GRIP1: variants seen among roughly 807,000 people sequenced by gnomAD.
The protein encoded by GRIP1 is glutamate receptor interacting protein 1, also known as glutamate receptor-interacting protein 1.
Under a neutral mutation model 129.9 loss-of-function variants are expected in GRIP1, and 45 were observed. The ratio of observed to expected loss-of-function variants is 0.35; its 90% confidence interval spans 0.27 to 0.44. The LOEUF is 0.44. GRIP1 is among the 20% of genes least tolerant of loss of function. GRIP1 has a pLI of 1.00. For missense variants in GRIP1, 1,196 were observed against 1,396.8 expected (o/e 0.86, Z 2.29); for synonymous variants, 530 against 520.8 (o/e 1.02, Z -0.24).
intron 1 of GRIP1, among the ~76,000 whole-genome samples, chr12:66,949,825 T>A (rs551181398): frequency 2.1e-5 from 3 of 143,064 alleles, no homozygotes; most frequent in Non-Finnish European, 4.5e-5. Context: ...TGGAGTGCAG[T>A]GGCGTGATCT....
At chr12:66,786,033 T>G (rs940608252) in intron 1 of GRIP1, among the ~76,000 whole-genome samples, 2 of 152,142 alleles carry the variant, frequency 1.3e-5, no homozygotes, top group African/African-American at 4.8e-5. Flanking sequence ...CAGTGAGATA[T>G]GACTGCACCA....
At position 66,843,023 on chromosome 12, in the gene GRIP1, C is replaced by T. The variant is rs545898363; in HGVS notation, c.58+226027G>A. Among the ~76,000 whole-genome samples the T allele has an allele frequency of 9.2e-5, 14 of 152,066 alleles. No homozygotes were observed. In the South Asian group the frequency reaches 2.9e-3, roughly 32 times the overall value. ...AGATTAATTCATCTGTTTAAAAGAG[C>T]TTTAAACTAAAATTGTCAAGAAAAC... is the stretch of plus-strand genomic sequence containing the variant. On this transcript the variant is annotated intron_variant, in intron 1 of 1. Coordinates refer to the GRIP1 transcript ENST00000643019.
At chr12:66,431,004 T>C (rs2058131403) in intron 14 of GRIP1, among the ~76,000 whole-genome samples, 1 of 152,250 alleles carries the variant, frequency 6.6e-6, no homozygotes, top group South Asian at 2.1e-4. Context: ...GGTTATATAG[T>C]GCACAACTCC....
Position 66,771,167 on chromosome 12 carries a change from C to T in GRIP1, c.-420+32886G>A, listed in dbSNP as rs866104723. 2.6e-5 allele frequency among the ~76,000 whole-genome samples: 4 copies of T among 152,118 alleles called. No homozygotes were observed. The Middle Eastern group carries it at 0.01, about 388-fold the overall frequency. On this transcript the variant is annotated intron_variant, in intron 1 of 4. Coordinates refer to the GRIP1 transcript ENST00000538373. ...TGTAGTTTATCATTCAGAGACATGC[C>T]GAAGACTCAGAATCAGACTCACACT...
chr12:67,020,795 A>G (rs1363659616), intron 1 of GRIP1, among the ~76,000 whole-genome samples: 2 of 152,190 alleles, frequency 1.3e-5, no homozygotes, highest in Admixed American at 6.6e-5. Context: ...AATAAACTCC[A>G]CATATTTAAA....
chr12:66,371,675 GAA>G lies in GRIP1; in HGVS notation c.3012+17_3012+18del. 1 of 1,537,260 alleles carries G rather than the reference GAA, an allele frequency of 6.5e-7. No individual in the cohort carries two copies. Among genetic ancestry groups the G allele is most frequent in the Non-Finnish European group, 9.0e-7 (1 of 1,109,788 alleles). On this transcript the variant is annotated intron_variant, in intron 23 of 24. Coordinates refer to ENST00000359742, the MANE Select transcript of GRIP1 (RefSeq NM_001366722.1). ...GCTGCCAAATTTGACCCTAGGGAAA[GAA>G]GAGAAAGCTTACTGACCTTGTGCAG...
At chr12:67,000,884 G>A (rs1033676022) in intron 1 of GRIP1, among the ~76,000 whole-genome samples, 1 of 152,162 alleles carries the variant, frequency 6.6e-6, no homozygotes, top group Non-Finnish European at 1.5e-5. Context: ...AATGAAAACT[G>A]TTTCAGGATA....
At chr12:66,635,360 G>T (rs1198907889) in intron 1 of GRIP1, among the ~76,000 whole-genome samples, 1 of 151,596 alleles carries the variant, frequency 6.6e-6, no homozygotes, top group Admixed American at 6.6e-5. Flanking sequence ...GGAGTTCAAG[G>T]TTACAGCAAA....
chr12:66,600,249 T>C (rs1427272830), intron 1 of GRIP1, among the ~76,000 whole-genome samples: 1 of 152,234 alleles, frequency 6.6e-6, no homozygotes, highest in Non-Finnish European at 1.5e-5. Context: ...ATCCCCAGGA[T>C]GAGCCTTAAA....
intron 1 of GRIP1, among the ~76,000 whole-genome samples, chr12:66,857,921 C>A (rs1487174892): frequency 6.6e-6 from 1 of 151,938 alleles, no homozygotes; most frequent in Non-Finnish European, 1.5e-5. Flanking sequence ...CAGGTAAAGC[C>A]ATATTAATGT....
chr12:66,469,017 T>A (rs1406012729), intron 7 of GRIP1, among the ~76,000 whole-genome samples: 2 of 152,210 alleles, frequency 1.3e-5, no homozygotes, highest in Non-Finnish European at 2.9e-5. Context: ...AATTAATGAA[T>A]CTTTTTTAAA....
chr12:66,996,160 T>C (rs73133683), intron 1 of GRIP1, among the ~76,000 whole-genome samples: 4,587 of 151,666 alleles, frequency 0.03, 108 homozygotes, highest in Middle Eastern at 0.058. Flanking sequence ...GAGGGGAAAA[T>C]AAGGAGTGAC....
intron 1 of GRIP1, among the ~76,000 whole-genome samples, chr12:66,977,200 CTTT>C (rs554293693): frequency 7.2e-6 from 1 of 139,666 alleles, no homozygotes. Flanking sequence ...TTAGGTCAAA[CTTT>C]TTTTTTTTTT....
intron 1 of GRIP1, among the ~76,000 whole-genome samples, chr12:67,040,951 C>T (rs549029896): frequency 6.6e-6 from 1 of 152,002 alleles, no homozygotes; most frequent in Non-Finnish European, 1.5e-5. Flanking sequence ...TGTGGGTGGG[C>T]CTCACCCAAT....
intron 1 of GRIP1, among the ~76,000 whole-genome samples, chr12:67,009,328 C>T (rs1288756352): frequency 2.0e-5 from 3 of 152,130 alleles, no homozygotes; most frequent in Non-Finnish European, 4.4e-5. Context: ...TTGCTAACAA[C>T]ATGGAGGAAG....
rs376442807 is a variant in GRIP1, at chr12:66,882,841, C to CGCAGACAAG, written c.58+186200_58+186208dup. On this transcript the variant is annotated intron_variant, in intron 1 of 1. Transcript: ENST00000643019. ...GCCAGAAGGATTATTATCTCCTCCT[C>CGCAGACAAG]GCAGACAAGGCAGACAAGGCAGCCA... is the stretch of plus-strand genomic sequence containing the variant. Among the ~76,000 whole-genome samples, 1,277 of 152,228 alleles carry CGCAGACAAG rather than the reference C, an allele frequency of 8.4e-3. 22 individuals are homozygous for CGCAGACAAG. Among genetic ancestry groups the CGCAGACAAG allele is most frequent in the African/African-American group, 0.028 (1,156 of 41,518 alleles).
chr12:67,021,990 G>A (rs563904554), intron 1 of GRIP1, among the ~76,000 whole-genome samples: 11 of 152,094 alleles, frequency 7.2e-5, no homozygotes, highest in South Asian at 6.2e-4. Context: ...CATTTTATTC[G>A]TTTTATGGCT....
At chr12:66,758,968 T>C (rs2037386405) in intron 1 of GRIP1, among the ~76,000 whole-genome samples, 1 of 152,178 alleles carries the variant, frequency 6.6e-6, no homozygotes, top group African/African-American at 2.4e-5. Context: ...GTTCAAGCTG[T>C]CAGTGGATCT....
chr12:67,064,944 T>C (rs1244406713), intron 1 of GRIP1: 2 of 123,338 alleles, frequency 1.6e-5, no homozygotes, highest in South Asian at 2.7e-4. Context: ...GATGTTCCCC[T>C]TCCTGTGTCC....
Sources: gnomAD v4.1 joint callset for allele counts (sites outside exome capture counted in the v4.1 genomes callset) on GRCh38, gnomAD v4.1.1 for gene constraint, MANE v1.5 for transcripts, NCBI Gene and HGNC (gene_info 2026-07-23, HGNC 2026-07-21) for gene names.